Variants in CETP observed in about 807,000 individuals in gnomAD.
The protein encoded by CETP is cholesteryl ester transfer protein.
Under a neutral mutation model 66.5 loss-of-function variants are expected in CETP, and 56 were observed. The observed-to-expected ratio is 0.84, with a 90% confidence interval of 0.68 to 1.05. CETP has a LOEUF of 1.05. Among genes scored for constraint, CETP ranks in the 50% least tolerant of loss-of-function variants. The pLI, the probability that CETP is intolerant of heterozygous loss-of-function variation, is 0.00. For synonymous variants in CETP, 251 were observed against 245.7 expected (o/e 1.02, Z -0.20); for missense variants, 612 against 609.6 (o/e 1.00, Z -0.04).
chr16:56,983,701 AGAAGGCAAGCACCAG>A lies in CETP; in HGVS notation c.*37_*51del. On this transcript the variant is annotated 3_prime_UTR_variant, in exon 16 of 16. Transcript: ENST00000200676. ...AGGAGGTCGGGATGGGGCTTGTAGC[AGAAGGCAAGCACCAG>A]GCTCACAGCTGGAACCCTGGTGTCT... The A allele has an allele frequency of 6.3e-7, 1 of 1,591,496 alleles. No homozygotes were observed. The highest frequency in any genetic ancestry group is 1.3e-5 in the African/African-American group (1 of 74,564).
At chr16:56,972,704 C>CA (rs1329613090) in intron 8 of CETP, among the ~76,000 whole-genome samples, 2 of 152,190 alleles carry the variant, frequency 1.3e-5, no homozygotes, top group African/African-American at 4.8e-5. Flanking sequence ...ACCCTAGCTG[C>CA]AAGGGAAACT....
At chr16:56,976,075 T>G (rs117889484) in intron 10 of CETP, among the ~76,000 whole-genome samples, 2,321 of 152,328 alleles carry the variant, frequency 0.015, 93 homozygotes, top group East Asian at 0.13. Flanking sequence ...TGACCGGCTC[T>G]TCTCCCTTAG....
chr16:56,962,689 C>T (rs1279944914), intron 1 of CETP, among the ~76,000 whole-genome samples: 1 of 152,084 alleles, frequency 6.6e-6, no homozygotes, highest in African/African-American at 2.4e-5. Context: ...GTCACAGCAT[C>T]GTCTGGGTGA....
chr16:56,982,884 C>A (rs1050761583), intron 14 of CETP, among the ~76,000 whole-genome samples: 1 of 152,196 alleles, frequency 6.6e-6, no homozygotes, highest in Non-Finnish European at 1.5e-5. Flanking sequence ...CTTGGCATCT[C>A]TTGGCCTCAT....
rs747748699 is a variant in CETP, at chr16:56,971,087, G to T, written c.582G>T (p.Leu194=). The stretch of plus-strand genomic sequence containing the variant: ...ATTTCATCTCCTTCACCCTGAAGCT[G>T]GTCCTGAAGGGACAGGTGAGTGAGG... ...FTNFISFTLK[L]VLKGQICKEI... The change falls in exon 6 of 16, where the codon CTG becomes CTT. Residue 194 remains leucine, a synonymous_variant. Transcript: ENST00000200676. 3.1e-6 allele frequency: 5 copies of T among 1,614,042 alleles called. No individual in the cohort carries two copies. The highest frequency in any genetic ancestry group is 3.4e-6 in the Non-Finnish European group (4 of 1,179,990).
chr16:56,978,080 G>A lies in CETP; in HGVS notation c.982-11G>A, dbSNP rs2042859911. On this transcript the variant is annotated splice_polypyrimidine_tract_variant and intron_variant, in intron 10 of 15. Coordinates refer to ENST00000200676, the MANE Select transcript of CETP (RefSeq NM_000078.3). Reference sequence around the variant, plus strand: ...CCCCTGTCCTGGCCATGGGACCCCTGTCTTCCACAGGTTGTCGGCGGCTTC... The same window carrying A: ...CCCCTGTCCTGGCCATGGGACCCCTATCTTCCACAGGTTGTCGGCGGCTTC... 2.5e-6 allele frequency: 4 copies of A among 1,613,914 alleles called. No homozygotes were observed. The highest frequency in any genetic ancestry group is 3.4e-6 in the Non-Finnish European group (4 of 1,179,884).
chr16:56,977,205 C>G (rs1471088778), intron 10 of CETP, among the ~76,000 whole-genome samples: 1 of 152,190 alleles, frequency 6.6e-6, no homozygotes, highest in Non-Finnish European at 1.5e-5. Context: ...GCTCCCGCAC[C>G]CCGCCGGCCC....
In CETP at chr16:56,973,320, G is replaced by C. The variant is rs1410034059; in HGVS notation, c.751-11G>C. The C allele has an allele frequency of 1.9e-6, 3 of 1,613,888 alleles. No individual in the cohort carries two copies. The highest frequency in any genetic ancestry group is 2.5e-6 in the Non-Finnish European group (3 of 1,179,996). On this transcript the variant is annotated splice_polypyrimidine_tract_variant and intron_variant, in intron 8 of 15. Transcript: ENST00000200676. Reference sequence around the variant, plus strand: ...CACACAGGGTCCAGCCAGCGTCCTGGCTTCCTCCAGGGTCATTTCATCTAC... The same window carrying C: ...CACACAGGGTCCAGCCAGCGTCCTGCCTTCCTCCAGGGTCATTTCATCTAC...
At chr16:56,975,870 C>G (rs1303042759) in intron 10 of CETP, among the ~76,000 whole-genome samples, 4 of 152,288 alleles carry the variant, frequency 2.6e-5, no homozygotes, top group African/African-American at 7.2e-5. Flanking sequence ...GCAGAGCCAC[C>G]AACAGAACTT....
intron 9 of CETP, among the ~76,000 whole-genome samples, chr16:56,974,899 G>A (rs774165059): frequency 6.6e-6 from 1 of 152,240 alleles, no homozygotes; most frequent in Non-Finnish European, 1.5e-5. Flanking sequence ...GGCACAGTGG[G>A]GAGCAGAAGC....
chr16:56,970,693 T>A (rs778677281), intron 5 of CETP, among the ~76,000 whole-genome samples: 1 of 152,082 alleles, frequency 6.6e-6, no homozygotes, highest in Non-Finnish European at 1.5e-5. Flanking sequence ...AGGGAACTGG[T>A]GGGTGGGGTC....
chr16:56,976,481 T>C (rs1309153208), intron 10 of CETP, among the ~76,000 whole-genome samples: 4 of 151,970 alleles, frequency 2.6e-5, no homozygotes, highest in African/African-American at 7.2e-5. Context: ...CTTTCTTTTT[T>C]TTTTTTTTAA....
chr16:56,970,080 C>A, intron 5 of CETP, 79 bp downstream of exon 5: 3 of 1,368,156 alleles, frequency 2.2e-6, no homozygotes, highest in Non-Finnish European at 3.0e-6. Context: ...CCAGGCTCAA[C>A]CCCACACAGG....
At chr16:56,975,289 G>A (rs13306232) in intron 10 of CETP, 138 bp downstream of exon 10, 570 of 754,826 alleles carry the variant, frequency 7.6e-4, no homozygotes, top group African/African-American at 6.2e-3. Context: ...TCGGTTGTTC[G>A]GCATGGAGTG....
intron 11 of CETP, among the ~76,000 whole-genome samples, chr16:56,980,374 A>G (rs1222980816): frequency 5.9e-5 from 9 of 152,042 alleles, no homozygotes; most frequent in African/African-American, 1.9e-4. Context: ...GTTTTGCCAC[A>G]TTGCCCAAGC....
At chr16:56,981,797 G>C in intron 13 of CETP, 117 bp downstream of exon 13, 4 of 981,948 alleles carry the variant, frequency 4.1e-6, no homozygotes, top group Non-Finnish European at 6.5e-6. Flanking sequence ...ATGTGGACCA[G>C]GTGGTCCATG....
chr16:56,977,505 C>A (rs1309555230), intron 10 of CETP, among the ~76,000 whole-genome samples: 2 of 152,204 alleles, frequency 1.3e-5, no homozygotes, highest in East Asian at 3.9e-4. Flanking sequence ...TCTCCCACCT[C>A]CCTGACTAGG....
At chr16:56,975,615 A>C (rs189621215) in intron 10 of CETP, among the ~76,000 whole-genome samples, 2 of 152,294 alleles carry the variant, frequency 1.3e-5, no homozygotes, top group African/African-American at 2.4e-5. Context: ...TGCTATGCCC[A>C]GTGGCAATGA....
chr16:56,981,354 T>G, intron 12 of CETP, 129 bp downstream of exon 12: 1 of 842,946 alleles, frequency 1.2e-6, no homozygotes. Flanking sequence ...ATGGGCTGAC[T>G]GCAGGGAGAT....
Sources: allele counts gnomAD v4.1 joint callset (sites outside exome capture counted in the v4.1 genomes callset), GRCh38; gene constraint gnomAD v4.1.1; transcripts MANE v1.5; gene names NCBI Gene and HGNC (gene_info 2026-07-23, HGNC 2026-07-21).